The following RAI2 variants were observed in gnomAD, a reference collection of about 807,000 sequenced individuals.
RAI2 encodes retinoic acid induced 2.
Under a neutral mutation model 15.3 loss-of-function variants are expected in RAI2, and 5 were observed. The ratio of observed to expected loss-of-function variants is 0.33; its 90% CI spans 0.17 to 0.69. RAI2 has a LOEUF of 0.69. Among genes scored for constraint, RAI2 ranks in the 30% least tolerant of loss-of-function variants. The pLI is 0.69. For missense variants in RAI2, 424 were observed against 424.7 expected (o/e 1.00, Z 0.01); for synonymous variants, 191 against 184.0 (o/e 1.04, Z -0.31).
Position 17,801,027 on chromosome X carries a change from C to T in RAI2, c.984G>A (p.Lys328=), listed in dbSNP as rs767533363. The change falls in exon 2 of 2, where the codon AAG becomes AAA. Residue 328 remains lysine, a synonymous_variant. Transcript: ENST00000451717. The part of the protein sequence containing the change: ...DLSMKSVPWL[K]AGEVSPPIFQ... Reference sequence around the variant, plus strand: ...AGATTGGGGGACTGACTTCACCAGCCTTGAGCCAGGGCACTGACTTCATGG... The same window carrying T: ...AGATTGGGGGACTGACTTCACCAGCTTTGAGCCAGGGCACTGACTTCATGG... 3 of 1,211,730 alleles carry T rather than the reference C, an allele frequency of 2.5e-6. No individual in the cohort carries two copies. Among genetic ancestry groups the T allele is most frequent in the Non-Finnish European group, 3.3e-6 (3 of 895,524 alleles).
In RAI2 at chrX:17,801,710, C is replaced by T. The variant is rs149518489; in HGVS notation, c.301G>A (p.Ala101Thr). The T allele has an allele frequency of 7.1e-5, 86 of 1,210,081 alleles. No homozygotes were observed. The East Asian group carries it at 2.0e-3, about 28-fold the overall frequency. Residue 101 changes from alanine to threonine, a missense_variant, in exon 2 of 2, where the codon GCA becomes ACA. Transcript: ENST00000451717. The part of the protein sequence containing the change: ...PIHMQVEGSS[A>T]PELNPNGNAT... Reference sequence around the variant, plus strand: ...TTGCCATTCGGATTGAGCTCTGGTGCGGAGCTTCCCTCCACCTGCATGTGA... The same window carrying T: ...TTGCCATTCGGATTGAGCTCTGGTGTGGAGCTTCCCTCCACCTGCATGTGA...
At chrX:17,841,918 G>A (rs779165223) in intron 1 of RAI2, among the ~76,000 whole-genome samples, 12 of 112,550 alleles carry the variant, frequency 1.1e-4, no homozygotes, top group African/African-American at 3.5e-4. Flanking sequence ...CTCATTAGAT[G>A]AAACGACTGG....
At chrX:17,810,688 G>A (rs1223136875) in intron 1 of RAI2, among the ~76,000 whole-genome samples, 2 of 111,998 alleles carry the variant, frequency 1.8e-5, no homozygotes, top group Non-Finnish European at 3.8e-5. Flanking sequence ...AGGAATTGGA[G>A]GGAGGACGCC....
At chrX:17,823,272 G>C (rs1361968478) in intron 1 of RAI2, among the ~76,000 whole-genome samples, 3 of 112,537 alleles carry the variant, frequency 2.7e-5, no homozygotes, top group Non-Finnish European at 5.6e-5. Flanking sequence ...TAAATACTCA[G>C]TAGGGGTTAG....
intron 1 of RAI2, among the ~76,000 whole-genome samples, chrX:17,820,694 G>A (rs751092634): frequency 9.0e-5 from 10 of 111,012 alleles, no homozygotes; most frequent in Non-Finnish European, 1.7e-4. Flanking sequence ...AAAGTGACTC[G>A]GCCTCTCTGA....
chrX:17,814,199 A>C (rs2067080595), intron 1 of RAI2, among the ~76,000 whole-genome samples: 1 of 108,567 alleles, frequency 9.2e-6, no homozygotes, highest in Non-Finnish European at 1.9e-5. Flanking sequence ...GGGAGACCTC[A>C]GAGTCATCTC....
chrX:17,840,092 G>A (rs1009317912), intron 1 of RAI2, among the ~76,000 whole-genome samples: 1 of 112,092 alleles, frequency 8.9e-6, no homozygotes, highest in East Asian at 2.8e-4. Context: ...TATCTATAAT[G>A]TTTTTATTTT....
chrX:17,807,120 T>TG (rs773246524), intron 1 of RAI2, among the ~76,000 whole-genome samples: 1 of 111,338 alleles, frequency 9.0e-6, no homozygotes, highest in Admixed American at 9.5e-5. Flanking sequence ...CCCTAGGGTC[T>TG]GACCATTAGC....
chrX:17,814,934 C>CTAA (rs527628476), intron 1 of RAI2, among the ~76,000 whole-genome samples: 6,438 of 106,197 alleles, frequency 0.061, 190 homozygotes, highest in Middle Eastern at 0.09. Context: ...TGCATGCTGC[C>CTAA]TAATAATAAT....
rs775775687 is a variant in RAI2, at chrX:17,816,015, GTTCT to G, written c.-24-13985_-24-13982del. Among the ~76,000 whole-genome samples the G allele has an allele frequency of 2.7e-3, 292 of 109,259 alleles. 1 individual carries two copies. Among genetic ancestry groups the G allele is most frequent in the Non-Finnish European group, 3.2e-3 (170 of 52,425 alleles). The allele number at this position is 109,259 out of a possible 115,157, so 94.9% of individuals were successfully genotyped here. A position where few individuals can be genotyped will look rare whatever the true frequency, so the allele number is the denominator to read the frequency against. Reference sequence around the variant, plus strand: ...CCTCCTCCTCCTCCTCCTCTTTCTTGTTCTTTCTTTCTTTCTTTCATTCTTTTTC... The same window carrying G: ...CCTCCTCCTCCTCCTCCTCTTTCTTGTTCTTTCTTTCTTTCATTCTTTTTC... On this transcript the variant is annotated intron_variant, in intron 1 of 1. Transcript: ENST00000451717.
At position 17,806,312 on chromosome X, in the gene RAI2, C is replaced by CA. The variant is rs753265358; in HGVS notation, c.-24-4279dup. Among the ~76,000 whole-genome samples the CA allele has an allele frequency of 8.5e-4, 95 of 111,951 alleles. No individual in the cohort carries two copies. The South Asian group carries it at 0.024, about 28-fold the overall frequency. ...CCGGTTGATGCTCAAGCCCAGGGGG[C>CA]ATGAATTTCTTCAGAGGTGACAGGG... On this transcript the variant is annotated intron_variant, in intron 1 of 1. Transcript: ENST00000451717.
intron 1 of RAI2, among the ~76,000 whole-genome samples, chrX:17,815,490 A>C (rs2067097295): frequency 9.0e-6 from 1 of 111,529 alleles, no homozygotes; most frequent in Non-Finnish European, 1.9e-5. Flanking sequence ...TCCAGTCATC[A>C]AATCTTTATT....
chrX:17,831,954 C>G (rs1282585113), intron 1 of RAI2, among the ~76,000 whole-genome samples: 2 of 111,927 alleles, frequency 1.8e-5, no homozygotes, highest in East Asian at 5.6e-4. Flanking sequence ...CCAGAATTTT[C>G]CCAATTAAAG....
chrX:17,816,807 TCCCTTGCAGTTGGGTGTG>T (rs2067112696), intron 1 of RAI2, among the ~76,000 whole-genome samples: 2 of 111,618 alleles, frequency 1.8e-5, no homozygotes, highest in South Asian at 7.6e-4. Context: ...TTTTCCAGCC[TCCCTTGCAGTTGGGTGTG>T]GCCATGTGCC....
At chrX:17,806,289 G>A (rs1452337470) in intron 1 of RAI2, among the ~76,000 whole-genome samples, 3 of 111,862 alleles carry the variant, frequency 2.7e-5, no homozygotes, top group East Asian at 2.8e-4. Context: ...CAAAGGAGCC[G>A]GTTGATGCTC....
At chrX:17,851,696 A>G (rs1819195227) in intron 1 of RAI2, among the ~76,000 whole-genome samples, 1 of 111,684 alleles carries the variant, frequency 9.0e-6, no homozygotes, top group Non-Finnish European at 1.9e-5. Context: ...GCTAAGCTTA[A>G]TAAAGAGAAA....
chrX:17,836,446 T>C (rs915928253), intron 1 of RAI2, among the ~76,000 whole-genome samples: 1 of 112,412 alleles, frequency 8.9e-6, no homozygotes, highest in Non-Finnish European at 1.9e-5. Flanking sequence ...GTGTTGACTA[T>C]CTCAGTAATT....
chrX:17,803,352 C>T (rs1482319389), intron 1 of RAI2, among the ~76,000 whole-genome samples: 1 of 109,772 alleles, frequency 9.1e-6, no homozygotes, highest in Non-Finnish European at 1.9e-5. Context: ...ATGATGAAAT[C>T]CCATCTCTAC....
intron 1 of RAI2, among the ~76,000 whole-genome samples, chrX:17,841,060 T>G (rs1453457102): frequency 1.1e-4 from 12 of 112,190 alleles, no homozygotes; most frequent in African/African-American, 2.9e-4. Context: ...AAAGAAGTCT[T>G]TGCTCTAGAA....
Sources: allele counts gnomAD v4.1 joint callset (sites outside exome capture counted in the v4.1 genomes callset), GRCh38; gene constraint gnomAD v4.1.1; transcripts MANE v1.5; gene names NCBI Gene and HGNC (gene_info 2026-07-23, HGNC 2026-07-21).